PRKAR2A: variants seen among roughly 807,000 people sequenced by gnomAD.
The protein encoded by PRKAR2A is protein kinase cAMP-dependent type II regulatory subunit alpha, also known as cAMP-dependent protein kinase type II-alpha regulatory subunit.
In PRKAR2A, 29 loss-of-function variants were observed where a neutral mutation model predicts 51.9. The observed-to-expected ratio is 0.56, with a 90% confidence interval of 0.42 to 0.76. The LOEUF (loss-of-function observed/expected upper bound fraction) is 0.76. PRKAR2A is among the 30% of genes least tolerant of loss of function. The pLI is 0.00. For missense variants in PRKAR2A, 445 were observed against 512.1 expected (o/e 0.87, Z 1.26); for synonymous variants, 178 against 186.2 (o/e 0.96, Z 0.36).
chr3:48,801,123 G>C (rs990703227), intron 2 of PRKAR2A, among the ~76,000 whole-genome samples: 1 of 152,164 alleles, frequency 6.6e-6, no homozygotes, highest in African/African-American at 2.4e-5. Context: ...GGGATTACAG[G>C]CGTGGGCCAC....
At chr3:48,819,936 GAA>G (rs1436391557) in intron 1 of PRKAR2A, among the ~76,000 whole-genome samples, 1 of 152,176 alleles carries the variant, frequency 6.6e-6, no homozygotes, top group Non-Finnish European at 1.5e-5. Context: ...TCACAGATGT[GAA>G]GTCCTTGTGG....
chr3:48,814,293 A>G (rs1353930208), intron 1 of PRKAR2A, among the ~76,000 whole-genome samples: 9 of 151,634 alleles, frequency 5.9e-5, no homozygotes, highest in Admixed American at 5.3e-4. Context: ...TGGCTTGCAC[A>G]TGTAATCCCA....
intron 1 of PRKAR2A, among the ~76,000 whole-genome samples, chr3:48,813,232 CAAAA>C (rs35033928): frequency 2.5e-5 from 2 of 80,484 alleles, no homozygotes; most frequent in African/African-American, 9.4e-5. Context: ...CTATCTCTAC[CAAAA>C]AAAAAAAAAA....
rs966835643 is a variant in PRKAR2A at position 48,781,616 on chromosome 3, G to A, written c.542+1370C>T. On this transcript the variant is annotated intron_variant, in intron 5 of 10. Transcript: ENST00000265563. ...CAGCCTCTGCCTCCCAGGTTCAAGC[G>A]ATTCTCCTGCCTCAGCCTCCCGAGT... Among the ~76,000 whole-genome samples the A allele has an allele frequency of 6.9e-4, 105 of 151,924 alleles. 1 individual carries two copies. Among genetic ancestry groups the A allele is most frequent in the Non-Finnish European group, 1.6e-4 (11 of 67,968 alleles).
At chr3:48,789,125 G>T (rs958847967) in intron 4 of PRKAR2A, among the ~76,000 whole-genome samples, 1 of 152,158 alleles carries the variant, frequency 6.6e-6, no homozygotes, top group Non-Finnish European at 1.5e-5. Flanking sequence ...CTAAGCCAGG[G>T]TCATGCAAAT....
At chr3:48,784,922 G>A (rs940800177) in intron 4 of PRKAR2A, among the ~76,000 whole-genome samples, 3 of 152,122 alleles carry the variant, frequency 2.0e-5, no homozygotes, top group African/African-American at 7.2e-5. Context: ...GATGTTAGGT[G>A]AAGACTTATT....
intron 3 of PRKAR2A, among the ~76,000 whole-genome samples, chr3:48,791,285 TAAAAAA>T (rs35380085): frequency 4.6e-5 from 2 of 43,748 alleles, no homozygotes; most frequent in South Asian, 7.5e-4. Context: ...GATTCCATCT[TAAAAAA>T]AAAAAAAAAA....
chr3:48,830,919 G>A (rs886954208), intron 1 of PRKAR2A, among the ~76,000 whole-genome samples: 3 of 152,036 alleles, frequency 2.0e-5, no homozygotes, highest in Non-Finnish European at 2.9e-5. Flanking sequence ...AGAATCTAAC[G>A]CACCACTGAT....
At chr3:48,832,192 G>A (rs1443292328) in intron 1 of PRKAR2A, among the ~76,000 whole-genome samples, 1 of 151,396 alleles carries the variant, frequency 6.6e-6, no homozygotes, top group Non-Finnish European at 1.5e-5. Context: ...TACTCAGGAG[G>A]CTGAGGCACG....
intron 3 of PRKAR2A, among the ~76,000 whole-genome samples, chr3:48,792,455 CTTTTTTTT>C (rs983032500): frequency 6.0e-5 from 4 of 66,826 alleles, no homozygotes; most frequent in African/African-American, 1.1e-4. Flanking sequence ...AAGGTTTAAT[CTTTTTTTT>C]TTTTTTTTTT....
At chr3:48,812,840 T>A (rs181018901) in intron 1 of PRKAR2A, among the ~76,000 whole-genome samples, 1 of 152,294 alleles carries the variant, frequency 6.6e-6, no homozygotes, top group African/African-American at 2.4e-5. Context: ...CTTGAAAAAA[T>A]TTAGTTCTGA....
chr3:48,752,070 G>C (rs2107188656), intron 10 of PRKAR2A, 106 bp downstream of exon 10: 1 of 1,339,186 alleles, frequency 7.5e-7, no homozygotes, highest in Non-Finnish European at 1.0e-6. Context: ...AAACTGCCTA[G>C]GCCTAGACAG....
At chr3:48,773,372 C>G (rs1284959838) in intron 5 of PRKAR2A, among the ~76,000 whole-genome samples, 1 of 112,100 alleles carries the variant, frequency 8.9e-6, no homozygotes, top group Non-Finnish European at 1.6e-5. Context: ...GAGACGGAGT[C>G]TCGCTCTGTC....
At chr3:48,809,115 G>A (rs1174883982) in intron 1 of PRKAR2A, among the ~76,000 whole-genome samples, 1 of 152,214 alleles carries the variant, frequency 6.6e-6, no homozygotes, top group Non-Finnish European at 1.5e-5. Flanking sequence ...CCTGTGAGTG[G>A]ATCAGCAGCG....
chr3:48,783,036 C>A lies in PRKAR2A; in HGVS notation c.492G>T (p.Glu164Asp). 1.2e-6 allele frequency: 2 copies of A among 1,613,904 alleles called. No homozygotes were observed. Among genetic ancestry groups the A allele is most frequent in the African/African-American group, 2.7e-5 (2 of 75,046 alleles). The change falls in exon 5 of 11, where the codon GAG (glutamate) becomes GAT (aspartate). Residue 164 changes from glutamate (E) to aspartate (D), a missense_variant. Coordinates refer to ENST00000265563, the MANE Select transcript of PRKAR2A (RefSeq NM_004157.4). Reference sequence around the variant, plus strand: ...CATCATCTCCTTGGTCAATGACATGCTCATCAGCTTTGACTATCCTTTCAA... The same window carrying A: ...CATCATCTCCTTGGTCAATGACATGATCATCAGCTTTGACTATCCTTTCAA... ...AMFERIVKADEHVIDQGDDGD... is the reference protein window; with the variant it reads ...AMFERIVKADDHVIDQGDDGD...
chr3:48,788,352 C>T (rs774089159), intron 4 of PRKAR2A, among the ~76,000 whole-genome samples: 20 of 152,014 alleles, frequency 1.3e-4, no homozygotes, highest in African/African-American at 4.1e-4. Flanking sequence ...TTAGTAGAGA[C>T]GGGGTTTCAC....
chr3:48,776,386 G>A (rs2082105319), intron 5 of PRKAR2A, among the ~76,000 whole-genome samples: 1 of 151,958 alleles, frequency 6.6e-6, no homozygotes, highest in Admixed American at 6.6e-5. Flanking sequence ...ATTTCACCAG[G>A]TAATATCTAT....
intron 6 of PRKAR2A, among the ~76,000 whole-genome samples, chr3:48,772,229 T>C (rs1201650369): frequency 6.6e-6 from 1 of 152,168 alleles, no homozygotes; most frequent in Non-Finnish European, 1.5e-5. Context: ...AACCAGTAGT[T>C]AGCACCAAGG....
intron 6 of PRKAR2A, among the ~76,000 whole-genome samples, chr3:48,767,668 T>C (rs1407052864): frequency 6.6e-6 from 1 of 152,052 alleles, no homozygotes; most frequent in Admixed American, 6.6e-5. Context: ...CTCACACCTA[T>C]AATCCCAGCA....
Sources: gnomAD v4.1 joint callset for allele counts (sites outside exome capture counted in the v4.1 genomes callset) on GRCh38, gnomAD v4.1.1 for gene constraint, MANE v1.5 for transcripts, NCBI Gene and HGNC (gene_info 2026-07-23, HGNC 2026-07-21) for gene names.